ZNF25: variants seen among roughly 807,000 people sequenced by gnomAD.
ZNF25 encodes zinc finger protein 25 (KOX 19).
A neutral mutation model predicts 30.9 loss-of-function variants in ZNF25; 21 were observed. The observed-to-expected ratio is 0.68, with a 90% CI of 0.48 to 0.98. The LOEUF is 0.98. Among genes scored for constraint, ZNF25 ranks in the 50% least tolerant of loss-of-function variants. ZNF25 has a pLI of 0.00. For missense variants in ZNF25, 501 were observed against 529.9 expected (o/e 0.95, Z 0.54); for synonymous variants, 169 against 181.3 (o/e 0.93, Z 0.55).
chr10:37,971,426 A>G (rs2063482823), intron 2 of ZNF25, among the ~76,000 whole-genome samples: 1 of 152,112 alleles, frequency 6.6e-6, no homozygotes, highest in Non-Finnish European at 1.5e-5. Context: ...TGCAAGTATC[A>G]ACAGTGTAAA....
At position 37,957,344 on chromosome 10, in the gene ZNF25, G is replaced by A; in HGVS notation, c.142+76C>T. ...ATAATGTCAATCATTCAACCCTATAGGGACATTTTATACTCCAGTAACTGA... is the reference window on the plus strand; with the variant it reads ...ATAATGTCAATCATTCAACCCTATAAGGACATTTTATACTCCAGTAACTGA... On this transcript the variant is annotated intron_variant, in intron 3 of 5. Transcript: ENST00000302609. The A allele has an allele frequency of 3.3e-6, 5 of 1,530,792 alleles. No individual in the cohort carries two copies. The South Asian group carries it at 3.7e-5, about 11-fold the overall frequency. The allele number at this position is 1,530,792 out of a possible 1,614,324, so 94.8% of individuals were successfully genotyped here. A position where few individuals can be genotyped will look rare whatever the true frequency, so the allele number is the denominator to read the frequency against.
At chr10:37,971,843 A>G (rs955148381) in intron 1 of ZNF25, 36 bp from the exon 2 acceptor site, 29 of 1,385,906 alleles carry the variant, frequency 2.1e-5, no homozygotes, top group Non-Finnish European at 2.6e-5. Flanking sequence ...TTAGTAAAAT[A>G]TATACCTTTG....
intron 1 of ZNF25, among the ~76,000 whole-genome samples, chr10:37,973,187 G>A (rs1432732011): frequency 1.3e-5 from 2 of 150,832 alleles, no homozygotes; most frequent in African/African-American, 4.9e-5. Flanking sequence ...AAAAAAATCA[G>A]TAGCATTTCC....
chr10:37,965,960 T>C (rs1264291357), intron 2 of ZNF25, among the ~76,000 whole-genome samples: 2 of 152,000 alleles, frequency 1.3e-5, no homozygotes, highest in African/African-American at 4.8e-5. Flanking sequence ...TCAAACCAGA[T>C]TGTTAAAAAT....
In ZNF25 at chr10:37,951,642, G is replaced by C. The variant is rs1024423557; in HGVS notation, c.*485C>G. The C allele has an allele frequency of 3.9e-5, 6 of 152,930 alleles. No individual in the cohort carries two copies. The highest frequency in any genetic ancestry group is 1.4e-4 in the African/African-American group (6 of 41,546). The allele number at this position is 152,930 out of a possible 1,614,324, so 9.5% of individuals were successfully genotyped here. ...GAATGAAACATCAATTCTTAATAAA[G>C]GCTTCTATATCTACCAGTGTCTTTG... On this transcript the variant is annotated 3_prime_UTR_variant, in exon 6 of 6. Transcript: ENST00000302609.
At chr10:37,973,126 C>A (rs1238662214) in intron 1 of ZNF25, among the ~76,000 whole-genome samples, 2 of 151,424 alleles carry the variant, frequency 1.3e-5, no homozygotes, top group Non-Finnish European at 2.9e-5. Flanking sequence ...CAAGATCATG[C>A]CACTGCACTC....
intron 2 of ZNF25, 48 bp downstream of exon 2, chr10:37,971,660 C>CACAA: frequency 2.5e-6 from 4 of 1,611,552 alleles, no homozygotes; most frequent in Non-Finnish European, 3.4e-6. Context: ...CACACACACA[C>CACAA]ACACACACAC....
At chr10:37,974,007 C>T (rs899423811) in intron 1 of ZNF25, among the ~76,000 whole-genome samples, 45 of 152,212 alleles carry the variant, frequency 3.0e-4, no homozygotes, top group African/African-American at 1.1e-3. Flanking sequence ...GACAAAGGCA[C>T]TAAGAACATA....
At chr10:37,963,044 G>T (rs537686399) in intron 2 of ZNF25, among the ~76,000 whole-genome samples, 2 of 82,502 alleles carry the variant, frequency 2.4e-5, no homozygotes, top group African/African-American at 8.7e-5. Context: ...AAACTTTTTG[G>T]AACTCTAGAA....
At chr10:37,965,971 T>C (rs1196342071) in intron 2 of ZNF25, among the ~76,000 whole-genome samples, 1 of 152,022 alleles carries the variant, frequency 6.6e-6, no homozygotes, top group Non-Finnish European at 1.5e-5. Flanking sequence ...TGTTAAAAAT[T>C]AGAAAAGTTA....
intron 2 of ZNF25, among the ~76,000 whole-genome samples, chr10:37,958,996 C>A (rs967124367): frequency 7.2e-5 from 11 of 152,184 alleles, no homozygotes; most frequent in African/African-American, 2.7e-4. Context: ...TTGCAGTAAG[C>A]CAAGATCGTG....
chr10:37,956,956 C>A, intron 4 of ZNF25, 64 bp downstream of exon 4: 51 of 970,894 alleles, frequency 5.3e-5, no homozygotes, highest in Non-Finnish European at 7.1e-5. Flanking sequence ...CCGAAAAGTA[C>A]TTCAGAAGGC....
chr10:37,956,934 A>AAAT, intron 4 of ZNF25, 86 bp downstream of exon 4: 1 of 947,852 alleles, frequency 1.1e-6, no homozygotes, highest in Non-Finnish European at 1.6e-6. Flanking sequence ...AAAAAAAAAA[A>AAAT]GTGAGAGATT....
At chr10:37,956,935 G>C in intron 4 of ZNF25, 85 bp downstream of exon 4, 1 of 530,066 alleles carries the variant, frequency 1.9e-6, no homozygotes, top group Non-Finnish European at 3.0e-6. Context: ...AAAAAAAAAA[G>C]TGAGAGATTG....
chr10:37,964,456 G>A (rs925968350), intron 2 of ZNF25, among the ~76,000 whole-genome samples: 2 of 152,174 alleles, frequency 1.3e-5, no homozygotes, highest in Admixed American at 1.3e-4. Context: ...AGCTGATGAG[G>A]TCTCAGAAGA....
At chr10:37,960,010 G>A (rs2062764609) in intron 2 of ZNF25, among the ~76,000 whole-genome samples, 1 of 151,714 alleles carries the variant, frequency 6.6e-6, no homozygotes, top group Non-Finnish European at 1.5e-5. Flanking sequence ...TGCCTCCCGG[G>A]TTCACACCAT....
rs754622885 is a variant in ZNF25 at position 37,957,135 on chromosome 10, A to ATGGTAACCTATGAATGGTAACCTATGAAT, written c.143-21_143-20insATTCATAGGTTACCATTCATAGGTTACCA. On this transcript the variant is annotated intron_variant, in intron 3 of 5. Coordinates refer to ENST00000302609, the MANE Select transcript of ZNF25 (RefSeq NM_145011.4). Reference sequence around the variant, plus strand: ...GGTAACCTATGAATGGAAAATATCAAGGAAATGATACAAATTGCTTGGAAT... The same window carrying ATGGTAACCTATGAATGGTAACCTATGAAT: ...GGTAACCTATGAATGGAAAATATCAATGGTAACCTATGAATGGTAACCTATGAATGGAAATGATACAAATTGCTTGGAAT... 7.5e-6 allele frequency: 12 copies of ATGGTAACCTATGAATGGTAACCTATGAAT among 1,601,452 alleles called. No individual in the cohort carries two copies. In the East Asian group the frequency reaches 2.7e-4, roughly 36 times the overall value.
chr10:37,953,578 C>T, intron 5 of ZNF25, 117 bp downstream of exon 5: 2 of 911,426 alleles, frequency 2.2e-6, no homozygotes, highest in South Asian at 1.5e-5. Context: ...TTGGGATTTG[C>T]TCTGCAGTGT....
Position 37,958,813 on chromosome 10 carries a change from C to T in ZNF25, c.16-1267G>A, listed in dbSNP as rs188026515. ...CTGTAATCCCACCACTTTTGGAGGC[C>T]GAAGCAGGTGGATAACCTGAAGGCA... On this transcript the variant is annotated intron_variant, in intron 2 of 5. Transcript: ENST00000302609. Among the ~76,000 whole-genome samples, 25 of 152,082 alleles carry T rather than the reference C, an allele frequency of 1.6e-4. 1 individual carries two copies. The highest frequency in any genetic ancestry group is 9.7e-4 in the East Asian group (5 of 5,162).
Sources: gnomAD v4.1 joint callset for allele counts (sites outside exome capture counted in the v4.1 genomes callset) on GRCh38, gnomAD v4.1.1 for gene constraint, MANE v1.5 for transcripts, NCBI Gene and HGNC (gene_info 2026-07-23, HGNC 2026-07-21) for gene names.